The following GRIK2 variants were observed in gnomAD, a reference collection of about 807,000 sequenced individuals.
GRIK2 encodes glutamate receptor ionotropic, kainate 2.
A neutral mutation model predicts 100.3 loss-of-function variants in GRIK2; 32 were observed. That is an observed-to-expected ratio of 0.32 (90% CI 0.24 to 0.43). The LOEUF (loss-of-function observed/expected upper bound fraction) is 0.43, where lower values mean the gene tolerates loss of function less well. Among genes scored for constraint, GRIK2 ranks in the 20% least tolerant of loss-of-function variants. GRIK2 has a pLI of 1.00. For synonymous variants in GRIK2, 417 were observed against 389.4 expected, an observed-to-expected ratio of 1.07 and a Z score of -0.83; for missense variants, 843 against 1,114.9, an observed-to-expected ratio of 0.76 and a Z score of 3.47.
At chr6:102,036,270 T>A (rs1363486671) in intron 15 of GRIK2, among the ~76,000 whole-genome samples, 1 of 150,228 alleles carries the variant, frequency 6.7e-6, no homozygotes, top group East Asian at 2.0e-4. Flanking sequence ...CATATATATA[T>A]AAAACATTAC....
At chr6:101,427,226 T>C (rs1289645909) in intron 2 of GRIK2, among the ~76,000 whole-genome samples, 3 of 152,244 alleles carry the variant, frequency 2.0e-5, no homozygotes, top group South Asian at 4.1e-4. Flanking sequence ...GCCAGGTGCC[T>C]ACTTCTTGAC....
chr6:101,985,281 A>T (rs991679314), intron 14 of GRIK2, among the ~76,000 whole-genome samples: 32 of 151,898 alleles, frequency 2.1e-4, no homozygotes, highest in African/African-American at 7.2e-4. Context: ...ATGCTGTTAC[A>T]TCATTAAAGG....
At chr6:101,763,158 T>C (rs763600320) in intron 7 of GRIK2, among the ~76,000 whole-genome samples, 1 of 152,182 alleles carries the variant, frequency 6.6e-6, no homozygotes, top group Non-Finnish European at 1.5e-5. Flanking sequence ...AATGTACAGA[T>C]TGAGGGTCTT....
chr6:101,967,371 T>C (rs1161302143), intron 14 of GRIK2, among the ~76,000 whole-genome samples: 1 of 152,104 alleles, frequency 6.6e-6, no homozygotes, highest in Non-Finnish European at 1.5e-5. Context: ...TTAGAGGTTA[T>C]CACAATTCAT....
rs115538954 is a variant in GRIK2, at chr6:101,943,301, G to A, written c.2085+14669G>A. On this transcript the variant is annotated intron_variant, in intron 14 of 16. Coordinates refer to ENST00000369134, the MANE Select transcript of GRIK2 (RefSeq NM_021956.5). The stretch of plus-strand genomic sequence containing the variant: ...CTGGCTGTCCAGGCAGAAATTTGCT[G>A]CAGGGGTGAAGCCCTCATGGAAAAC... Among the ~76,000 whole-genome samples the A allele has an allele frequency of 1.5e-3, 231 of 152,342 alleles. 1 individual carries two copies. Among genetic ancestry groups the A allele is most frequent in the African/African-American group, 5.3e-3 (221 of 41,586 alleles).
At chr6:101,452,259 A>G (rs1770747123) in intron 2 of GRIK2, among the ~76,000 whole-genome samples, 1 of 151,784 alleles carries the variant, frequency 6.6e-6, no homozygotes, top group East Asian at 1.9e-4. Flanking sequence ...GATTTAATTA[A>G]AGATTAGAGT....
At chr6:101,902,176 G>A (rs893866450) in intron 12 of GRIK2, among the ~76,000 whole-genome samples, 9 of 151,928 alleles carry the variant, frequency 5.9e-5, no homozygotes, top group African/African-American at 1.9e-4. Context: ...ACCAATGGGA[G>A]GGTCACCGAA....
At chr6:101,819,699 A>G (rs761899391) in intron 10 of GRIK2, among the ~76,000 whole-genome samples, 1 of 152,172 alleles carries the variant, frequency 6.6e-6, no homozygotes, top group Non-Finnish European at 1.5e-5. Flanking sequence ...ACATGCCACT[A>G]TGTTCTGGAT....
At chr6:101,454,638 C>T (rs558761438) in intron 2 of GRIK2, among the ~76,000 whole-genome samples, 15 of 152,176 alleles carry the variant, frequency 9.9e-5, no homozygotes, top group African/African-American at 3.6e-4. Context: ...AAAACTAAAC[C>T]TTTGGTCAGT....
At chr6:101,596,276 C>T (rs1413389177) in intron 2 of GRIK2, among the ~76,000 whole-genome samples, 1 of 148,592 alleles carries the variant, frequency 6.7e-6, no homozygotes, top group Non-Finnish European at 1.5e-5. Context: ...AATGGTGTCA[C>T]GCAGGATTCA....
chr6:101,971,878 G>A (rs190811080), intron 14 of GRIK2, among the ~76,000 whole-genome samples: 7 of 151,968 alleles, frequency 4.6e-5, no homozygotes, highest in Non-Finnish European at 7.4e-5. Flanking sequence ...TTAATTCACC[G>A]AGGATTATGG....
At chr6:101,501,777 A>G (rs921997722) in intron 2 of GRIK2, among the ~76,000 whole-genome samples, 1 of 152,108 alleles carries the variant, frequency 6.6e-6, no homozygotes, top group African/African-American at 2.4e-5. Context: ...TTGTTTTCCA[A>G]GACAGGGTCT....
At chr6:101,900,690 G>T (rs1787788563) in intron 12 of GRIK2, among the ~76,000 whole-genome samples, 2 of 151,964 alleles carry the variant, frequency 1.3e-5, no homozygotes, top group African/African-American at 2.4e-5. Context: ...ATTCAGCTTT[G>T]TGAAAGATGT....
At position 102,034,120 on chromosome 6, in the gene GRIK2, A is replaced by C. The variant is rs1271965436; in HGVS notation, c.2086-1221A>C. On this transcript the variant is annotated intron_variant, in intron 14 of 16. Coordinates refer to ENST00000369134, the MANE Select transcript of GRIK2 (RefSeq NM_021956.5). ...ATGAGGCAGGCATGTTCAGTGTTTC[A>C]CTGGGGAGCAAAGGTTTGCATTTCT... 2.0e-5 allele frequency among the ~76,000 whole-genome samples: 3 copies of C among 151,282 alleles called. No individual in the cohort carries two copies. The East Asian group carries it at 5.9e-4, about 30-fold the overall frequency.
At chr6:101,527,951 C>G (rs911279441) in intron 2 of GRIK2, among the ~76,000 whole-genome samples, 1 of 152,014 alleles carries the variant, frequency 6.6e-6, no homozygotes, top group African/African-American at 2.4e-5. Context: ...TGTGTTCCAA[C>G]AAATCATGGA....
chr6:101,939,664 A>G (rs372369749), intron 14 of GRIK2, among the ~76,000 whole-genome samples: 1 of 152,240 alleles, frequency 6.6e-6, no homozygotes, highest in Non-Finnish European at 1.5e-5. Flanking sequence ...AACGGATTTT[A>G]TTATTTTAGT....
At chr6:102,049,370 C>T (rs1475947862) in intron 15 of GRIK2, among the ~76,000 whole-genome samples, 1 of 151,986 alleles carries the variant, frequency 6.6e-6, no homozygotes, top group Non-Finnish European at 1.5e-5. Context: ...GGTTATCTTA[C>T]TTTACAATAA....
chr6:102,065,102 C>A (rs116602129), intron 16 of GRIK2, among the ~76,000 whole-genome samples: 2,793 of 151,180 alleles, frequency 0.018, 84 homozygotes, highest in African/African-American at 0.064. Flanking sequence ...ATTATGTAAT[C>A]GAGACCATTG....
At chr6:101,526,827 T>C (rs552755385) in intron 2 of GRIK2, among the ~76,000 whole-genome samples, 1 of 152,172 alleles carries the variant, frequency 6.6e-6, no homozygotes, top group African/African-American at 2.4e-5. Flanking sequence ...CGGAATACTC[T>C]CCCGGGGTTC....
Sources: allele counts gnomAD v4.1 joint callset (sites outside exome capture counted in the v4.1 genomes callset), GRCh38; gene constraint gnomAD v4.1.1; transcripts MANE v1.5; gene names NCBI Gene and HGNC (gene_info 2026-07-23, HGNC 2026-07-21).